GJB6: variants seen among roughly 807,000 people sequenced by gnomAD.
GJB6 encodes gap junction beta-6 protein.
In GJB6, 5 loss-of-function variants were observed where a neutral mutation model predicts 5.4. That is an observed-to-expected ratio of 0.92 (90% CI 0.48 to 1.93). The LOEUF (loss-of-function observed/expected upper bound fraction) is 1.93. Ranked by LOEUF, GJB6 falls within the 30% of genes most tolerant of loss-of-function variation. GJB6 has a pLI of 0.01. For missense variants in GJB6, 298 were observed against 326.9 expected (o/e 0.91, Z 0.68); for synonymous variants, 136 against 129.6 (o/e 1.05, Z -0.34).
rs1555343656 is a variant in GJB6 at position 20,223,418 on chromosome 13, C to T, written c.63G>A (p.Gly21=). The T allele has an allele frequency of 1.9e-6, 3 of 1,612,226 alleles. No homozygotes were observed. The highest frequency in any genetic ancestry group is 2.5e-6 in the Non-Finnish European group (3 of 1,178,214). ...GGVNKHSTSI[G]KVWITVIFIF... is the part of the protein sequence containing the mutation. Reference sequence around the variant, plus strand: ...TAAAGATGACTGTGATCCACACCTTCCCGATGCTGGTGGAGTGTTTGTTGA... The same window carrying T: ...TAAAGATGACTGTGATCCACACCTTTCCGATGCTGGTGGAGTGTTTGTTGA... Residue 21 remains glycine (G), a synonymous_variant, in exon 5 of 5, where the codon GGG becomes GGA. Coordinates refer to ENST00000647029, the MANE Select transcript of GJB6 (RefSeq NM_001110219.3).
At chr13:20,231,020 C>G (rs1870047138) in intron 2 of GJB6, 1 of 152,366 alleles carries the variant, frequency 6.6e-6, no homozygotes, top group South Asian at 2.1e-4. Context: ...GAACCCCCCT[C>G]TCCTCCTTGG....
rs7338303 is a variant in GJB6, at chr13:20,228,539, C to G, written c.-16+1041G>C. 1.9e-4 allele frequency among the ~76,000 whole-genome samples: 28 copies of G among 150,264 alleles called. No homozygotes were observed. In the East Asian group the frequency reaches 2.2e-3, roughly 12 times the overall value. ...AGCTCTGTTGCCCAAGCTGGAGTACCGTGGCACGATCTCGGCTCACTGCAA... is the reference window on the plus strand; with the variant it reads ...AGCTCTGTTGCCCAAGCTGGAGTACGGTGGCACGATCTCGGCTCACTGCAA... On this transcript the variant is annotated intron_variant, in intron 4 of 4. Coordinates refer to ENST00000647029, the MANE Select transcript of GJB6 (RefSeq NM_001110219.3).
intron 3 of GJB6, 118 bp downstream of exon 3, chr13:20,230,579 GC>G (rs1870014216): frequency 6.6e-6 from 1 of 152,182 alleles, no homozygotes; most frequent in Non-Finnish European, 1.5e-5. Flanking sequence ...ATAACCTATG[GC>G]AGGTGGCCAT....
intron 4 of GJB6, among the ~76,000 whole-genome samples, chr13:20,228,097 C>T (rs895631334): frequency 6.6e-6 from 1 of 152,188 alleles, no homozygotes; most frequent in African/African-American, 2.4e-5. Context: ...GATTTGAAGG[C>T]TATTTCAATT....
rs140817300 is a variant in GJB6, at chr13:20,232,177, G to C, written c.-420+17C>G. On this transcript the variant is annotated intron_variant, in intron 1 of 4. Transcript: ENST00000647029. ...CGCTCGCCCCCCGCAAGACCCAGCC[G>C]GTCCGCGCCCGCTTACCTGCTCTGC... is the stretch of plus-strand genomic sequence containing the variant. 6.6e-6 allele frequency: 1 copy of C among 152,032 alleles called. No individual in the cohort carries two copies. The highest frequency in any genetic ancestry group is 2.1e-4 in the South Asian group (1 of 4,832). 9.4% of individuals were successfully genotyped at this position (152,032 alleles called of 1,614,324 possible).
chr13:20,227,537 G>C (rs1443389537), intron 4 of GJB6, among the ~76,000 whole-genome samples: 1 of 152,138 alleles, frequency 6.6e-6, no homozygotes, highest in Non-Finnish European at 1.5e-5. Flanking sequence ...GTCCTGAGTG[G>C]GCTGCCCCTG....
In GJB6 at chr13:20,231,834, T is replaced by C. The variant is rs2137361005; in HGVS notation, c.-419-329A>G. Reference sequence around the variant, plus strand: ...ACCTTCATAAAACCTGTTGTACAAGTCAAAGGGGACCACGCTGGGGTAAAA... The same window carrying C: ...ACCTTCATAAAACCTGTTGTACAAGCCAAAGGGGACCACGCTGGGGTAAAA... On this transcript the variant is annotated intron_variant, in intron 1 of 4. Transcript: ENST00000647029. Among the ~76,000 whole-genome samples, 3 of 152,306 alleles carry C rather than the reference T, an allele frequency of 2.0e-5. No individual in the cohort carries two copies. In the South Asian group the frequency reaches 6.2e-4, roughly 32 times the overall value.
chr13:20,226,459 C>A (rs1189195974), intron 4 of GJB6, among the ~76,000 whole-genome samples: 2 of 152,124 alleles, frequency 1.3e-5, no homozygotes, highest in Non-Finnish European at 2.9e-5. Flanking sequence ...TGTACTAATG[C>A]CTCCCTTTCA....
At chr13:20,225,105 G>A (rs1221673044) in intron 4 of GJB6, among the ~76,000 whole-genome samples, 1 of 152,212 alleles carries the variant, frequency 6.6e-6, no homozygotes, top group Non-Finnish European at 1.5e-5. Flanking sequence ...GGAAAAGTCC[G>A]ACTCCTAGTT....
Position 20,222,707 on chromosome 13 carries a change from A to G in GJB6, c.774T>C (p.Gly258=). The part of the protein sequence containing the change: ...ISDSGQNAIT[G]FPS The stretch of plus-strand genomic sequence containing the variant: ...TACCTTGAAATGTTTAGCTTGGGAA[A>G]CCTGTGATTGCATTTTGACCACTAT... The change falls in exon 5 of 5, where the codon GGT becomes GGC. Residue 258 remains glycine (G), a synonymous_variant. Coordinates refer to ENST00000647029, the MANE Select transcript of GJB6 (RefSeq NM_001110219.3). 1 of 1,614,000 alleles carries G rather than the reference A, an allele frequency of 6.2e-7. No homozygotes were observed. The highest frequency in any genetic ancestry group is 1.3e-5 in the African/African-American group (1 of 75,012).
At chr13:20,225,920 A>C (rs2137341336) in intron 4 of GJB6, among the ~76,000 whole-genome samples, 1 of 152,308 alleles carries the variant, frequency 6.6e-6, no homozygotes, top group South Asian at 2.1e-4. Context: ...AGTATTCCTT[A>C]GGAGGAACAT....
At chr13:20,230,038 T>C (rs1480403321) in intron 3 of GJB6, 1 of 151,988 alleles carries the variant, frequency 6.6e-6, no homozygotes, top group Non-Finnish European at 1.5e-5. Flanking sequence ...AGGGGAGAGT[T>C]TGAGACACTG....
chr13:20,229,315 ATTTTTT>A (rs60451416), intron 4 of GJB6, among the ~76,000 whole-genome samples: 2 of 55,272 alleles, frequency 3.6e-5, no homozygotes, highest in Non-Finnish European at 6.9e-5. Context: ...TACCTGGTTA[ATTTTTT>A]TTTTTTTTTT....
intron 4 of GJB6, among the ~76,000 whole-genome samples, chr13:20,225,900 C>T (rs9315400): frequency 0.38 from 58,277 of 152,002 alleles, 11,703 homozygotes; most frequent in Admixed American, 0.54. Flanking sequence ...CATTTTACTT[C>T]AGGAATATCA....
intron 4 of GJB6, chr13:20,225,633 G>A (rs1593365573): frequency 6.6e-6 from 1 of 152,128 alleles, no homozygotes; most frequent in East Asian, 1.9e-4. Flanking sequence ...GAAAAGAGGG[G>A]CCCAATTCCT....
At position 20,228,595 on chromosome 13, in the gene GJB6, C is replaced by G. The variant is rs376714010; in HGVS notation, c.-16+985G>C. Among the ~76,000 whole-genome samples the G allele has an allele frequency of 1.2e-4, 18 of 148,874 alleles. No homozygotes were observed. In the East Asian group the frequency reaches 2.3e-3, roughly 19 times the overall value. On this transcript the variant is annotated intron_variant, in intron 4 of 4. Coordinates refer to ENST00000647029, the MANE Select transcript of GJB6 (RefSeq NM_001110219.3). ...GCCTCCCGGGTTCACGCCGTTCTCC[C>G]GCCTCAGCCTCTCTGAGCAGCTGGG... is the stretch of plus-strand genomic sequence containing the variant.
intron 4 of GJB6, chr13:20,225,548 G>T (rs1366281373): frequency 6.6e-6 from 1 of 152,172 alleles, no homozygotes; most frequent in East Asian, 1.9e-4. Context: ...ATGTGGGATT[G>T]CTGGATCTCA....
chr13:20,231,103 C>A (rs1393353564), intron 2 of GJB6: 1 of 152,246 alleles, frequency 6.6e-6, no homozygotes, highest in East Asian at 1.9e-4. Context: ...AGGAGCAGTT[C>A]TGAGCAGCAC....
In GJB6 at chr13:20,228,641, A is replaced by T. The variant is rs113606108; in HGVS notation, c.-16+939T>A. On this transcript the variant is annotated intron_variant, in intron 4 of 4. Transcript: ENST00000647029. ...CTGGGACTACAGGCGCCTGCCACCA[A>T]GCCCGGCTAATTTTTTGTATTTTTA... Among the ~76,000 whole-genome samples, 52 of 150,364 alleles carry T rather than the reference A, an allele frequency of 3.5e-4. 1 individual carries two copies. Among genetic ancestry groups the T allele is most frequent in the Admixed American group, 7.9e-4 (12 of 15,166 alleles).
Sources: allele counts gnomAD v4.1 joint callset (sites outside exome capture counted in the v4.1 genomes callset), GRCh38; gene constraint gnomAD v4.1.1; transcripts MANE v1.5; gene names NCBI Gene and HGNC (gene_info 2026-07-23, HGNC 2026-07-21).